Variants in LRRC8A observed in about 807,000 individuals in gnomAD.
LRRC8A encodes the protein leucine rich repeat containing 8 VRAC subunit A.
Under a neutral mutation model 52.5 loss-of-function variants are expected in LRRC8A, and 24 were observed. That is an observed-to-expected ratio of 0.46 (90% CI 0.33 to 0.64). The LOEUF is 0.64. Among genes scored for constraint, LRRC8A ranks in the 30% least tolerant of loss-of-function variants. The pLI is 0.02. For synonymous variants in LRRC8A, 492 were observed against 494.2 expected (o/e 1.00, Z 0.06); for missense variants, 677 against 1,094.7 (o/e 0.62, Z 5.38).
rs1321876745 is a variant in LRRC8A, at chr9:128,909,135, G to T, written c.1971G>T (p.Gln657His). 6.2e-7 allele frequency: 1 copy of T among 1,613,996 alleles called. No homozygotes were observed. The highest frequency in any genetic ancestry group is 2.2e-5 in the East Asian group (1 of 44,894). The change falls in exon 3 of 4, where the codon CAG becomes CAT. Residue 657 changes from glutamine (Q) to histidine (H), a missense_variant. Physicochemically the swap from Gln to His is conservative, Grantham distance 24 (BLOSUM62 0). Coordinates refer to ENST00000372600, the MANE Select transcript of LRRC8A (RefSeq NM_019594.4). ...ACCACATCGCCTACATCCCCATCCA[G>T]ATCGGCAACCTCACCAACCTGGAGC... ...WYNHIAYIPI[Q>H]IGNLTNLERL...
At chr9:128,913,280 G>T (rs1040303020) in intron 3 of LRRC8A, among the ~76,000 whole-genome samples, 7 of 152,190 alleles carry the variant, frequency 4.6e-5, no homozygotes, top group African/African-American at 1.7e-4. Context: ...TGGTCAGGAA[G>T]GCCAGAGAGC....
intron 1 of LRRC8A, among the ~76,000 whole-genome samples, chr9:128,884,150 G>A (rs10988141): frequency 2.0e-5 from 3 of 152,244 alleles, no homozygotes; most frequent in South Asian, 2.1e-4. Context: ...GATCACTGCC[G>A]TGGGTCAGAA....
chr9:128,906,949 G>C (rs2131015263), intron 2 of LRRC8A, among the ~76,000 whole-genome samples: 1 of 152,372 alleles, frequency 6.6e-6, no homozygotes, highest in Non-Finnish European at 1.5e-5. Context: ...CTCCCCCAGG[G>C]TGGTTTCCCA....
In LRRC8A at chr9:128,896,096, C is replaced by T. The variant is rs561009560; in HGVS notation, c.-9+9975C>T. 7.2e-5 allele frequency among the ~76,000 whole-genome samples: 11 copies of T among 152,304 alleles called. 1 individual carries two copies. The South Asian group carries it at 2.3e-3, about 32-fold the overall frequency. ...TTCCCTCCCTAGATACAATCATTATCTTGGTTTGGAGACTTTCCATGCATG... is the reference window on the plus strand; with the variant it reads ...TTCCCTCCCTAGATACAATCATTATTTTGGTTTGGAGACTTTCCATGCATG... On this transcript the variant is annotated intron_variant, in intron 2 of 3. Coordinates refer to ENST00000372600, the MANE Select transcript of LRRC8A (RefSeq NM_019594.4).
In LRRC8A at chr9:128,897,864, T is replaced by A. The variant is rs180706069; in HGVS notation, c.-8-9293T>A. 2.6e-5 allele frequency among the ~76,000 whole-genome samples: 4 copies of A among 151,314 alleles called. No homozygotes were observed. In the East Asian group the frequency reaches 7.8e-4, roughly 29 times the overall value. ...TGGCAAAATAATCTTTTTTCTTAAT[T>A]ATGAGTAACAAATGGTTATAATAAA... On this transcript the variant is annotated intron_variant, in intron 2 of 3. Transcript: ENST00000372600.
intron 2 of LRRC8A, among the ~76,000 whole-genome samples, chr9:128,893,577 G>T (rs980771384): frequency 6.6e-6 from 1 of 152,074 alleles, no homozygotes; most frequent in South Asian, 2.1e-4. Flanking sequence ...GGTGAGGACC[G>T]CAAGCTGCTG....
At chr9:128,903,506 G>A (rs1307489032) in intron 2 of LRRC8A, among the ~76,000 whole-genome samples, 8 of 149,726 alleles carry the variant, frequency 5.3e-5, no homozygotes, top group Admixed American at 2.0e-4. Context: ...TCCACTTCCC[G>A]GGTTCACGCC....
At chr9:128,904,820 C>A (rs1298499869) in intron 2 of LRRC8A, among the ~76,000 whole-genome samples, 2 of 151,812 alleles carry the variant, frequency 1.3e-5, no homozygotes, top group Admixed American at 1.3e-4. Flanking sequence ...CGGTGAAACC[C>A]CGTCTCTACT....
chr9:128,884,024 T>G (rs944314031), intron 1 of LRRC8A, among the ~76,000 whole-genome samples: 2 of 151,582 alleles, frequency 1.3e-5, no homozygotes, highest in Non-Finnish European at 2.9e-5. Context: ...TGTTCATGAC[T>G]TCCCCCCAGA....
rs1210958991 is a variant in LRRC8A at position 128,916,191 on chromosome 9, C to T, written c.2253C>T (p.Gly751=). The change falls in exon 4 of 4, where the codon GGC becomes GGT. Residue 751 remains glycine, a synonymous_variant. Transcript: ENST00000372600. This position sits in a 1 kb window ranked among gnomAD's most constrained non-coding sequence, Gnocchi z 6.1. The stretch of plus-strand genomic sequence containing the variant: ...TGCAGTCACTGCCCTCCAGGGTGGG[C>T]GAGCTGACCAACCTGACGCAGATCG... ...NVLQSLPSRV[G]ELTNLTQIEL... 13 of 1,613,170 alleles carry T rather than the reference C, an allele frequency of 8.1e-6. No homozygotes were observed. The highest frequency in any genetic ancestry group is 1.7e-5 in the Admixed American group (1 of 60,006).
intron 2 of LRRC8A, among the ~76,000 whole-genome samples, chr9:128,893,348 C>T (rs746874848): frequency 1.3e-5 from 2 of 152,202 alleles, no homozygotes; most frequent in African/African-American, 2.4e-5. Context: ...GACCGTGGAA[C>T]GACAGCCTGA....
rs1035568004 is a variant in LRRC8A at position 128,899,112 on chromosome 9, G to A, written c.-8-8045G>A. 1.4e-4 allele frequency among the ~76,000 whole-genome samples: 22 copies of A among 152,162 alleles called. No homozygotes were observed. The highest frequency in any genetic ancestry group is 4.6e-4 in the African/African-American group (19 of 41,432). On this transcript the variant is annotated intron_variant, in intron 2 of 3. Coordinates refer to ENST00000372600, the MANE Select transcript of LRRC8A (RefSeq NM_019594.4). This position sits in a 1 kb window ranked among gnomAD's most constrained non-coding sequence, Gnocchi z 4.0. ...GTCCAGGCTGGGCAGAGGCCTGGGC[G>A]CACCCACCCCTTGGCCCATTTTTTA...
At position 128,908,743 on chromosome 9, in the gene LRRC8A, C is replaced by T. The variant is rs755533376; in HGVS notation, c.1579C>T (p.Leu527=). 1.1e-5 allele frequency: 18 copies of T among 1,613,132 alleles called. No homozygotes were observed. The highest frequency in any genetic ancestry group is 1.5e-5 in the Non-Finnish European group (18 of 1,180,048). The change falls in exon 3 of 4, where the codon CTG becomes TTG. Residue 527 remains leucine (L), a synonymous_variant. Coordinates refer to ENST00000372600, the MANE Select transcript of LRRC8A (RefSeq NM_019594.4). ...TLEELHLTGN[L]SAENNRYIVI... ...GGAGGAGCTGCACCTGACGGGCAACCTGAGCGCGGAGAACAACCGCTACAT... is the reference window on the plus strand; with the variant it reads ...GGAGGAGCTGCACCTGACGGGCAACTTGAGCGCGGAGAACAACCGCTACAT...
chr9:128,908,316 G>T lies in LRRC8A; in HGVS notation c.1152G>T (p.Pro384=), dbSNP rs980321768. Residue 384 remains proline (P), a synonymous_variant, in exon 3 of 4, where the codon CCG becomes CCT. Transcript: ENST00000372600. ...TGCACCTCATTGACCAATACGACCCGCTCTACTCCAAGCGCTTCGCCGTCT... is the reference window on the plus strand; with the variant it reads ...TGCACCTCATTGACCAATACGACCCTCTCTACTCCAAGCGCTTCGCCGTCT... The part of the protein sequence containing the change: ...FMLHLIDQYD[P]LYSKRFAVFL... 1.2e-6 allele frequency: 2 copies of T among 1,614,064 alleles called. No individual in the cohort carries two copies. Among genetic ancestry groups the T allele is most frequent in the Non-Finnish European group, 1.7e-6 (2 of 1,180,032 alleles).
chr9:128,908,148 A>C lies in LRRC8A; in HGVS notation c.984A>C (p.Leu328=), dbSNP rs1410452016. Residue 328 remains leucine (L), a synonymous_variant, in exon 3 of 4, where the codon CTA becomes CTC. Coordinates refer to ENST00000372600, the MANE Select transcript of LRRC8A (RefSeq NM_019594.4). ...TCCTGGCGTCCTTCTACATCAGCCTAGTCATCTTCTACGGCCTCATCTGCA... is the reference window on the plus strand; with the variant it reads ...TCCTGGCGTCCTTCTACATCAGCCTCGTCATCTTCTACGGCCTCATCTGCA... ...FKILASFYIS[L]VIFYGLICMY... is the part of the protein sequence containing the mutation. 1.2e-6 allele frequency: 2 copies of C among 1,613,990 alleles called. No homozygotes were observed. Among genetic ancestry groups the C allele is most frequent in the African/African-American group, 2.7e-5 (2 of 75,018 alleles).
chr9:128,909,322 G>C lies in LRRC8A; in HGVS notation c.2157+1G>C. On this transcript the variant is annotated splice_donor_variant, in intron 3 of 3. Transcript: ENST00000372600. LOFTEE classifies it high-confidence loss of function. ...GAACCTAGCCATCACGGCCAACCGG[G>C]TGAGTGGCCCGGCCACAGCTCTGCG... 1 of 1,611,900 alleles carries C rather than the reference G, an allele frequency of 6.2e-7. No homozygotes were observed. The highest frequency in any genetic ancestry group is 8.5e-7 in the Non-Finnish European group (1 of 1,179,614).
At chr9:128,901,307 T>C (rs773262329) in intron 2 of LRRC8A, among the ~76,000 whole-genome samples, 9 of 151,918 alleles carry the variant, frequency 5.9e-5, no homozygotes, top group Non-Finnish European at 1.3e-4. Flanking sequence ...GACTAAAATA[T>C]GAAAAATTAG....
At chr9:128,889,920 A>C (rs527853941) in intron 2 of LRRC8A, among the ~76,000 whole-genome samples, 1 of 152,122 alleles carries the variant, frequency 6.6e-6, no homozygotes, top group African/African-American at 2.4e-5. Flanking sequence ...CTCCTGTCTC[A>C]GCCTCCCAAG....
In LRRC8A at chr9:128,916,447, C is replaced by A; in HGVS notation, c.*76C>A. The A allele has an allele frequency of 6.7e-7, 1 of 1,491,696 alleles. No homozygotes were observed. The highest frequency in any genetic ancestry group is 2.4e-5 in the East Asian group (1 of 41,698). 92.4% of individuals were successfully genotyped at this position (1,491,696 alleles called of 1,614,324 possible). A position where few individuals can be genotyped will look rare whatever the true frequency, so the allele number is the denominator to read the frequency against. Reference sequence around the variant, plus strand: ...GCCCGGAGGGGCAGGCCTAGCTTCTCCCAGAACTCCCGGACAGCCAGGACA... The same window carrying A: ...GCCCGGAGGGGCAGGCCTAGCTTCTACCAGAACTCCCGGACAGCCAGGACA... On this transcript the variant is annotated 3_prime_UTR_variant, in exon 4 of 4. Coordinates refer to ENST00000372600, the MANE Select transcript of LRRC8A (RefSeq NM_019594.4). This position sits in a 1 kb window ranked among gnomAD's most constrained non-coding sequence, Gnocchi z 6.1.
Sources: gnomAD v4.1 joint callset for allele counts (sites outside exome capture counted in the v4.1 genomes callset) on GRCh38, gnomAD v4.1.1 for gene constraint, Gnocchi (gnomAD v3.1) non-coding constraint, MANE v1.5 for transcripts, NCBI Gene and HGNC (gene_info 2026-07-23, HGNC 2026-07-21) for gene names.